Variants in MORN1 observed in about 807,000 individuals in gnomAD.
MORN1 encodes the protein MORN repeat-containing protein 1.
MORN1 carries 67 observed loss-of-function variants against 61.9 expected under a neutral mutation model. The ratio of observed to expected loss-of-function variants is 1.08; its 90% CI spans 0.89 to 1.33. The LOEUF (loss-of-function observed/expected upper bound fraction) is 1.33. Among genes scored for constraint, MORN1 ranks in the 40% most tolerant of loss-of-function variants. The pLI is 0.00. For synonymous variants in MORN1, 301 were observed against 292.0 expected (o/e 1.03, Z -0.31); for missense variants, 752 against 691.2 (o/e 1.09, Z -0.99).
intron 13 of MORN1, chr1:2,322,722 T>C (rs773929897): frequency 1.3e-4 from 128 of 985,232 alleles, no homozygotes; most frequent in Admixed American, 2.5e-4. Flanking sequence ...GGTTTCTAGG[T>C]GTTCCCAGGA....
chr1:2,384,242 AC>A (rs1156798395), intron 6 of MORN1, among the ~76,000 whole-genome samples: 1 of 152,040 alleles, frequency 6.6e-6, no homozygotes, highest in Non-Finnish European at 1.5e-5. Flanking sequence ...TCAGGCACCA[AC>A]CTTGACTCTT....
chr1:2,385,665 G>A, intron 5 of MORN1, 142 bp downstream of exon 5: 1 of 685,894 alleles, frequency 1.5e-6, no homozygotes, highest in Non-Finnish European at 2.6e-6. Context: ...TGGCACTGGG[G>A]GGGTGGCGGG....
At chr1:2,366,656 T>C (rs1172088023) in intron 8 of MORN1, among the ~76,000 whole-genome samples, 1 of 152,120 alleles carries the variant, frequency 6.6e-6, no homozygotes, top group Non-Finnish European at 1.5e-5. Flanking sequence ...CCCAAGTAGC[T>C]GGGATTACAG....
At chr1:2,345,102 G>A (rs1641484274) in intron 10 of MORN1, among the ~76,000 whole-genome samples, 1 of 151,342 alleles carries the variant, frequency 6.6e-6, no homozygotes, top group Non-Finnish European at 1.5e-5. Flanking sequence ...CACGCTCTAC[G>A]CTCATGGATG....
At position 2,334,631 on chromosome 1, in the gene MORN1, G is replaced by A. The variant is rs997624489; in HGVS notation, c.1250+1838C>T. Among the ~76,000 whole-genome samples, 1 of 152,150 alleles carries A rather than the reference G, an allele frequency of 6.6e-6. No individual in the cohort carries two copies. The highest frequency in any genetic ancestry group is 6.5e-5 in the Admixed American group (1 of 15,282). On this transcript the variant is annotated intron_variant, in intron 12 of 13. Transcript: ENST00000378531. This position sits in a 1 kb window ranked among gnomAD's most constrained non-coding sequence, Gnocchi z 5.4. ...CAGGAGGCAGGGGAAGTGGCCGCTGGTCACAGATGTGTGCCCCGAAGAGAC... is the reference window on the plus strand; with the variant it reads ...CAGGAGGCAGGGGAAGTGGCCGCTGATCACAGATGTGTGCCCCGAAGAGAC...
At position 2,387,468 on chromosome 1, in the gene MORN1, G is replaced by A. The variant is rs764326652; in HGVS notation, c.309C>T (p.Tyr103=). 6.2e-7 allele frequency: 1 copy of A among 1,613,688 alleles called. No homozygotes were observed. Among genetic ancestry groups the A allele is most frequent in the South Asian group, 1.1e-5 (1 of 91,086 alleles). ...CCCCTTCATAACATCCGCCGGCTTT[G>A]TACTCCATGACGCCGTAGCCTTGAG... is the stretch of plus-strand genomic sequence containing the variant. ...GEPQGYGVME[Y]KAGGCYEGEV... is the part of the protein sequence containing the mutation. The change falls in exon 4 of 14, where the codon TAC becomes TAT. Residue 103 remains tyrosine (Y), a synonymous_variant. Transcript: ENST00000378531.
At chr1:2,327,107 CACACAGAA>C (rs1364868307) in intron 12 of MORN1, among the ~76,000 whole-genome samples, 6 of 149,390 alleles carry the variant, frequency 4.0e-5, no homozygotes, top group Admixed American at 1.3e-4. Flanking sequence ...CACACAGAAA[CACACAGAA>C]ACACAGAAAC....
At chr1:2,374,611 G>C in intron 6 of MORN1, 54 bp from the exon 7 acceptor site, 1 of 1,478,110 alleles carries the variant, frequency 6.8e-7, no homozygotes, top group Non-Finnish European at 9.3e-7. Context: ...GCTTTTGTGG[G>C]TCCCCGCATG....
intron 13 of MORN1, chr1:2,323,012 T>C (rs1640916909): frequency 1.0e-6 from 1 of 985,330 alleles, no homozygotes; most frequent in South Asian, 4.7e-5. Context: ...GGATCTCCCT[T>C]CGCTCCTCAC....
At chr1:2,345,489 G>C (rs1324189057) in intron 10 of MORN1, among the ~76,000 whole-genome samples, 1 of 152,230 alleles carries the variant, frequency 6.6e-6, no homozygotes, top group Non-Finnish European at 1.5e-5. Context: ...GCCAGGCTCT[G>C]CACCGGGGGA....
At chr1:2,339,081 C>T (rs1371174762) in intron 10 of MORN1, among the ~76,000 whole-genome samples, 2 of 152,192 alleles carry the variant, frequency 1.3e-5, no homozygotes, top group Non-Finnish European at 2.9e-5. Context: ...TCTGTGCGGT[C>T]CCTGTCCAAG....
intron 10 of MORN1, among the ~76,000 whole-genome samples, chr1:2,348,325 C>T (rs1230381175): frequency 6.6e-6 from 1 of 152,198 alleles, no homozygotes; most frequent in Non-Finnish European, 1.5e-5. Flanking sequence ...CTGCTCAGCC[C>T]ACGCTGCCAG....
At chr1:2,356,602 C>T (rs910315663) in intron 10 of MORN1, among the ~76,000 whole-genome samples, 1 of 152,202 alleles carries the variant, frequency 6.6e-6, no homozygotes, top group South Asian at 2.1e-4. Flanking sequence ...GCCCGACCCC[C>T]GTTTACTGAG....
At chr1:2,340,715 C>A (rs1046297897) in intron 10 of MORN1, among the ~76,000 whole-genome samples, 5 of 152,186 alleles carry the variant, frequency 3.3e-5, no homozygotes, top group Non-Finnish European at 7.4e-5. Context: ...ACCACACAGG[C>A]CACGACGGGC....
chr1:2,389,007 G>T (rs1163652138), intron 2 of MORN1, among the ~76,000 whole-genome samples: 1 of 151,494 alleles, frequency 6.6e-6, no homozygotes, highest in East Asian at 1.9e-4. Context: ...AGCTACTCAT[G>T]AGGCTGAGGC....
At chr1:2,381,233 G>T (rs563977924) in intron 6 of MORN1, among the ~76,000 whole-genome samples, 2 of 152,398 alleles carry the variant, frequency 1.3e-5, no homozygotes, top group East Asian at 3.9e-4. Context: ...CCCCGGCCCA[G>T]TCCTGACCTG....
intron 10 of MORN1, among the ~76,000 whole-genome samples, chr1:2,340,040 G>A (rs985312024): frequency 3.9e-5 from 6 of 152,224 alleles, no homozygotes; most frequent in Admixed American, 2.6e-4. Context: ...GGGCTCTGCC[G>A]CTGACATCAG....
rs1641313349 is a variant in MORN1, at chr1:2,337,908, C to T, written c.1037-1058G>A. 6.6e-6 allele frequency among the ~76,000 whole-genome samples: 1 copy of T among 152,184 alleles called. No homozygotes were observed. The highest frequency in any genetic ancestry group is 2.4e-5 in the African/African-American group (1 of 41,436). On this transcript the variant is annotated intron_variant, in intron 10 of 13. Transcript: ENST00000378531. This position sits in a 1 kb window ranked among gnomAD's most constrained non-coding sequence, Gnocchi z 5.7. ...CACCATCAAAAAAACAGAAGAGACC[C>T]AGCTCCAGGATGGATAGAAGGGTGG...
chr1:2,358,300 A>C (rs1569987527), intron 9 of MORN1, among the ~76,000 whole-genome samples: 1 of 152,042 alleles, frequency 6.6e-6, no homozygotes, highest in African/African-American at 2.4e-5. Flanking sequence ...CGGAGTCCTG[A>C]TGTCTCCACT....
Sources: allele counts gnomAD v4.1 joint callset (sites outside exome capture counted in the v4.1 genomes callset), GRCh38; gene constraint gnomAD v4.1.1; non-coding constraint Gnocchi (gnomAD v3.1); transcripts MANE v1.5; gene names NCBI Gene and HGNC (gene_info 2026-07-23, HGNC 2026-07-21).